The following CHM variants were observed in gnomAD, a reference collection of about 807,000 sequenced individuals.
The protein encoded by CHM is CHM Rab escort protein.
In CHM, 10 loss-of-function variants were observed where a neutral mutation model predicts 49.0. That is an observed-to-expected ratio of 0.20 (90% CI 0.13 to 0.35). The LOEUF (loss-of-function observed/expected upper bound fraction) is 0.35. Ranked by LOEUF, CHM falls within the 10% of genes least tolerant of loss-of-function variation. The pLI is 1.00. For synonymous variants in CHM, 184 were observed against 167.5 expected, an observed-to-expected ratio of 1.10 and a Z score of -0.76; for missense variants, 455 against 478.4, an observed-to-expected ratio of 0.95 and a Z score of 0.46.
intron 12 of CHM, among the ~76,000 whole-genome samples, chrX:85,890,782 C>G (rs367708919): frequency 9.0e-6 from 1 of 111,474 alleles, no homozygotes; most frequent in Non-Finnish European, 1.9e-5. Context: ...AAAAGATACC[C>G]GAAAATGTGA....
chrX:85,872,603 A>G (rs1304086108), intron 14 of CHM, among the ~76,000 whole-genome samples: 1 of 112,237 alleles, frequency 8.9e-6, no homozygotes, highest in Non-Finnish European at 1.9e-5. Flanking sequence ...TGATTAAAAA[A>G]TGCATTAAGA....
intron 2 of CHM, among the ~76,000 whole-genome samples, chrX:86,007,094 G>A (rs989693275): frequency 1.3e-4 from 14 of 111,471 alleles, no homozygotes; most frequent in African/African-American, 4.6e-4. Context: ...AGAGCCCTCA[G>A]AAATAATGCC....
chrX:85,929,677 C>G (rs935230707), intron 8 of CHM, among the ~76,000 whole-genome samples: 2 of 112,157 alleles, frequency 1.8e-5, no homozygotes, highest in African/African-American at 6.5e-5. Context: ...CAATTCCTCC[C>G]TTAACTTTTC....
chrX:85,913,576 C>T (rs1460453037), intron 8 of CHM, among the ~76,000 whole-genome samples: 1 of 109,573 alleles, frequency 9.1e-6, no homozygotes, highest in Non-Finnish European at 1.9e-5. Flanking sequence ...ACAGATTCTC[C>T]CCTAGTGGCC....
chrX:85,875,949 C>G, intron 13 of CHM, among the ~76,000 whole-genome samples: 1 of 111,444 alleles, frequency 9.0e-6, no homozygotes, highest in Non-Finnish European at 1.9e-5. Context: ...ATTTACAATG[C>G]CACAACAAAT....
At chrX:85,927,399 C>A (rs1928158850) in intron 8 of CHM, among the ~76,000 whole-genome samples, 1 of 111,505 alleles carries the variant, frequency 9.0e-6, no homozygotes, top group Admixed American at 9.6e-5. Flanking sequence ...CCATTTGTCC[C>A]ATTTTAATTG....
chrX:85,936,787 T>A lies in CHM; in HGVS notation c.1166+19366A>T, dbSNP rs146180590. On this transcript the variant is annotated intron_variant, in intron 8 of 14. Transcript: ENST00000357749. The stretch of plus-strand genomic sequence containing the variant: ...AGAGAACACACGGAAACCCAGCAAG[T>A]AAAGCCTTAGATCTGGCTGCCTTTG... Among the ~76,000 whole-genome samples, 228 of 112,151 alleles carry A rather than the reference T, an allele frequency of 2.0e-3. 4 individuals carry two copies. The East Asian group carries it at 0.055, about 27-fold the overall frequency.
intron 1 of CHM, among the ~76,000 whole-genome samples, chrX:86,039,510 C>CAAAA (rs769393073): frequency 3.0e-4 from 12 of 40,139 alleles, no homozygotes; most frequent in East Asian, 7.6e-4. Context: ...TGGCCTAGAC[C>CAAAA]AAAAAAAAAA....
At chrX:85,971,157 G>T in intron 4 of CHM, 1 of 750,232 alleles carries the variant, frequency 1.3e-6, no homozygotes. Flanking sequence ...CAAATACTTT[G>T]ACGTATTTTC....
intron 5 of CHM, among the ~76,000 whole-genome samples, chrX:85,960,720 T>C (rs894544303): frequency 1.4e-4 from 16 of 110,986 alleles, no homozygotes; most frequent in Non-Finnish European, 2.6e-4. Flanking sequence ...GCCACCACGC[T>C]CAGCCTAAGC....
rs191562462 is a variant in CHM at position 86,015,081 on chromosome X, G to A, written c.116+12410C>T. Among the ~76,000 whole-genome samples the A allele has an allele frequency of 2.0e-3, 221 of 110,513 alleles. 1 individual carries two copies. The highest frequency in any genetic ancestry group is 7.1e-3 in the African/African-American group (216 of 30,376). ...AAGTTATTTTTTTTTTTATTCTAAA[G>A]GAATAGAAACTTCTTCATGTGTCAC... On this transcript the variant is annotated intron_variant, in intron 2 of 14. Transcript: ENST00000357749.
At chrX:86,038,470 C>T (rs945939310) in intron 1 of CHM, among the ~76,000 whole-genome samples, 1 of 111,582 alleles carries the variant, frequency 9.0e-6, no homozygotes, top group East Asian at 2.8e-4. Flanking sequence ...CTCCCTAAAA[C>T]ATGTAAAATC....
chrX:85,922,040 T>C (rs1003523603), intron 8 of CHM, among the ~76,000 whole-genome samples: 1 of 112,283 alleles, frequency 8.9e-6, no homozygotes, highest in Middle Eastern at 4.6e-3. Context: ...TACACACATA[T>C]GCATGAACTA....
intron 11 of CHM, among the ~76,000 whole-genome samples, chrX:85,896,439 A>G (rs1925838438): frequency 9.0e-6 from 1 of 111,402 alleles, no homozygotes; most frequent in Non-Finnish European, 1.9e-5. Flanking sequence ...AAAGGATGTC[A>G]GAACTGTTCC....
Position 85,948,294 on chromosome X carries a change from A to ATAAAGTC in CHM, c.1166+7858_1166+7859insGACTTTA, listed in dbSNP as rs1929530375. Among the ~76,000 whole-genome samples, 10 of 112,236 alleles carry ATAAAGTC rather than the reference A, an allele frequency of 8.9e-5. 1 individual carries two copies. Among genetic ancestry groups the ATAAAGTC allele is most frequent in the Admixed American group, 8.5e-4 (9 of 10,566 alleles). ...GAGCGTTTTAAAGTCTATAAACTGC[A>ATAAAGTC]TATATATCCTGTGCAATGTGCCAGA... On this transcript the variant is annotated intron_variant, in intron 8 of 14. Transcript: ENST00000357749.
At chrX:86,006,953 T>G (rs1379353777) in intron 2 of CHM, among the ~76,000 whole-genome samples, 2 of 111,650 alleles carry the variant, frequency 1.8e-5, no homozygotes, top group East Asian at 5.6e-4. Context: ...CTTTGCCAAG[T>G]CAATCCTAAG....
chrX:85,976,988 C>T (rs374045906), intron 4 of CHM, among the ~76,000 whole-genome samples: 208 of 110,918 alleles, frequency 1.9e-3, no homozygotes, highest in Middle Eastern at 0.014. Context: ...TGATGATAAC[C>T]TCCTGTATAA....
intron 2 of CHM, among the ~76,000 whole-genome samples, chrX:86,004,626 A>G (rs183416856): frequency 8.9e-6 from 1 of 112,303 alleles, no homozygotes; most frequent in Admixed American, 9.4e-5. Context: ...GTCTCTGATA[A>G]AACAGACTTT....
intron 12 of CHM, among the ~76,000 whole-genome samples, chrX:85,886,731 CA>C (rs998213332): frequency 9.2e-6 from 1 of 109,040 alleles, no homozygotes; most frequent in Non-Finnish European, 1.9e-5. Context: ...AGGGCAGCAG[CA>C]AGAAAATATA....
Sources: gnomAD v4.1 joint callset for allele counts (sites outside exome capture counted in the v4.1 genomes callset) on GRCh38, gnomAD v4.1.1 for gene constraint, MANE v1.5 for transcripts, NCBI Gene and HGNC (gene_info 2026-07-23, HGNC 2026-07-21) for gene names.